The following PPARG variants were observed in gnomAD, a reference collection of about 807,000 sequenced individuals.
PPARG encodes peroxisome proliferator activated receptor gamma, also known as peroxisome proliferator-activated receptor gamma.
In PPARG, 17 loss-of-function variants were observed where a neutral mutation model predicts 39.2. The ratio of observed to expected loss-of-function variants is 0.43; its 90% confidence interval spans 0.30 to 0.65. The LOEUF is 0.65. Ranked by LOEUF, PPARG falls within the 30% of genes least tolerant of loss-of-function variation. The pLI, the probability that PPARG is intolerant of heterozygous loss-of-function variation, is 0.13. For missense variants in PPARG, 406 were observed against 585.9 expected, an observed-to-expected ratio of 0.69 and a Z score of 3.17; for synonymous variants, 223 against 215.7, an observed-to-expected ratio of 1.03 and a Z score of -0.30.
chr3:12,316,385 G>A (rs556169812), intron 2 of PPARG, among the ~76,000 whole-genome samples: 2 of 152,136 alleles, frequency 1.3e-5, no homozygotes, highest in Non-Finnish European at 2.9e-5. Context: ...ACCTAAAGTA[G>A]TCAAATTTCG....
intron 1 of PPARG, among the ~76,000 whole-genome samples, chr3:12,298,285 C>A (rs1414281561): frequency 2.1e-5 from 2 of 94,066 alleles, no homozygotes; most frequent in Admixed American, 1.9e-4. Context: ...GGCGACAGAG[C>A]GAGACTCTGT....
In PPARG at chr3:12,387,101, T is replaced by G. The variant is rs142771488; in HGVS notation, c.391-5513T>G. ...TCTATGATGTATATGTGCCACATTT[T>G]CTTAATCCAGTCAATCATTGATGGA... On this transcript the variant is annotated intron_variant, in intron 4 of 7. Transcript: ENST00000651735. Among the ~76,000 whole-genome samples, 8 of 152,258 alleles carry G rather than the reference T, an allele frequency of 5.3e-5. No homozygotes were observed. The East Asian group carries it at 1.5e-3, about 29-fold the overall frequency.
chr3:12,367,999 A>G (rs983574091), intron 2 of PPARG, among the ~76,000 whole-genome samples: 1 of 152,052 alleles, frequency 6.6e-6, no homozygotes, highest in African/African-American at 2.4e-5. Flanking sequence ...ATTTGCATCT[A>G]AAGATACATA....
chr3:12,327,274 C>G (rs1319951034), intron 2 of PPARG, among the ~76,000 whole-genome samples: 2 of 152,158 alleles, frequency 1.3e-5, no homozygotes, highest in African/African-American at 4.8e-5. Flanking sequence ...TTCCAATCTT[C>G]TGGACGTAGA....
At chr3:12,401,585 A>T (rs945393970) in intron 5 of PPARG, among the ~76,000 whole-genome samples, 1 of 151,570 alleles carries the variant, frequency 6.6e-6, no homozygotes, top group Non-Finnish European at 1.5e-5. Context: ...TTCCCCCTTA[A>T]AAAAGGTATG....
chr3:12,303,936 C>G (rs1470819216), intron 1 of PPARG, among the ~76,000 whole-genome samples: 1 of 152,216 alleles, frequency 6.6e-6, no homozygotes, highest in Non-Finnish European at 1.5e-5. Context: ...AGTACATATA[C>G]TAAGTTTCTG....
At chr3:12,372,115 C>G in intron 2 of PPARG, 2 of 721,030 alleles carry the variant, frequency 2.8e-6, no homozygotes, top group Non-Finnish European at 5.2e-6. Context: ...TTTTCAGGCA[C>G]GTACTCTTGT....
At chr3:12,338,888 G>A (rs2048091991) in intron 2 of PPARG, among the ~76,000 whole-genome samples, 1 of 152,216 alleles carries the variant, frequency 6.6e-6, no homozygotes, top group African/African-American at 2.4e-5. Context: ...AGAAACTGTG[G>A]CACTGAAACT....
At chr3:12,420,700 T>C (rs2051231836) in intron 7 of PPARG, among the ~76,000 whole-genome samples, 1 of 152,232 alleles carries the variant, frequency 6.6e-6, no homozygotes. Context: ...TGAAAGTAAC[T>C]GATTTGACCC....
At chr3:12,290,348 A>G (rs2046617432) in intron 1 of PPARG, among the ~76,000 whole-genome samples, 1 of 152,090 alleles carries the variant, frequency 6.6e-6, no homozygotes, top group African/African-American at 2.4e-5. Context: ...ATTAAAAAGA[A>G]TATAATTTCT....
intron 2 of PPARG, among the ~76,000 whole-genome samples, chr3:12,341,547 C>G (rs1310602949): frequency 6.6e-6 from 1 of 152,180 alleles, no homozygotes; most frequent in Admixed American, 6.5e-5. Context: ...GTGGCTCATG[C>G]CTGTAATCCC....
chr3:12,324,760 T>A (rs1332649445), intron 2 of PPARG, among the ~76,000 whole-genome samples: 1 of 152,160 alleles, frequency 6.6e-6, no homozygotes, highest in African/African-American at 2.4e-5. Context: ...ACAAAGAAAC[T>A]TTTAGAACTT....
chr3:12,381,200 C>A, intron 3 of PPARG, 122 bp from the exon 4 acceptor site: 1 of 1,003,408 alleles, frequency 1.0e-6, no homozygotes, highest in Non-Finnish European at 1.5e-6. Context: ...TCATGTTCCA[C>A]TGTGCTTTTA....
intron 1 of PPARG, among the ~76,000 whole-genome samples, chr3:12,310,524 C>T (rs1164208423): frequency 1.1e-5 from 1 of 89,568 alleles, no homozygotes; most frequent in African/African-American, 4.5e-5. Flanking sequence ...AGTGCAGTGG[C>T]GGGATCTCGG....
At chr3:12,415,688 T>C (rs2051032432) in intron 6 of PPARG, among the ~76,000 whole-genome samples, 1 of 152,232 alleles carries the variant, frequency 6.6e-6, no homozygotes, top group Non-Finnish European at 1.5e-5. Context: ...CAAAATTGCT[T>C]TTTTGCAGCA....
chr3:12,313,701 G>C (rs1011375878), intron 2 of PPARG, among the ~76,000 whole-genome samples: 1 of 152,186 alleles, frequency 6.6e-6, no homozygotes, highest in Non-Finnish European at 1.5e-5. Context: ...CCTGGAGGAT[G>C]TTGTGGTCAG....
intron 2 of PPARG, among the ~76,000 whole-genome samples, chr3:12,353,426 A>G (rs1427323321): frequency 1.3e-5 from 2 of 152,204 alleles, no homozygotes; most frequent in Non-Finnish European, 2.9e-5. Context: ...CTTCCAAAAC[A>G]GACAGACTTA....
chr3:12,317,438 G>A (rs1000886227), intron 2 of PPARG, among the ~76,000 whole-genome samples: 4 of 151,978 alleles, frequency 2.6e-5, no homozygotes, highest in Admixed American at 6.6e-5. Context: ...GACAGTTACC[G>A]TATATACATC....
In PPARG at chr3:12,328,304, C is replaced by A. The variant is rs560742979; in HGVS notation, c.-9+15851C>A. Reference sequence around the variant, plus strand: ...GAGCCTCTCTGGGAAGCTCTTCCTCCTGCCCCTCTCATTCCTGGTGGGGGC... The same window carrying A: ...GAGCCTCTCTGGGAAGCTCTTCCTCATGCCCCTCTCATTCCTGGTGGGGGC... On this transcript the variant is annotated intron_variant, in intron 2 of 7. Transcript: ENST00000651735. The A allele has an allele frequency of 2.9e-4, 323 of 1,127,566 alleles. 2 individuals are homozygous for A. The South Asian group carries it at 4.0e-3, about 14-fold the overall frequency. 69.8% of individuals were successfully genotyped at this position (1,127,566 alleles called of 1,614,324 possible).
Sources: gnomAD v4.1 joint callset for allele counts (sites outside exome capture counted in the v4.1 genomes callset) on GRCh38, gnomAD v4.1.1 for gene constraint, MANE v1.5 for transcripts, NCBI Gene and HGNC (gene_info 2026-07-23, HGNC 2026-07-21) for gene names.